ZNF678: variants seen among roughly 807,000 people sequenced by gnomAD.
ZNF678 encodes zinc finger protein 678.
A neutral mutation model predicts 3.0 loss-of-function variants in ZNF678; 5 were observed. The observed-to-expected ratio is 1.69, with a 90% CI of 0.88 to 3.56. ZNF678 has a LOEUF of 3.56. ZNF678 is among the 30% of genes most tolerant of loss of function. ZNF678 has a pLI of 0.00. For missense variants in ZNF678, 593 were observed against 605.0 expected (o/e 0.98, Z 0.21); for synonymous variants, 218 against 199.6 (o/e 1.09, Z -0.78).
rs558316032 is a variant in ZNF678 at position 227,657,565 on chromosome 1, A to G, written c.*1737A>G. On this transcript the variant is annotated 3_prime_UTR_variant, in exon 4 of 4. Transcript: ENST00000343776. The stretch of plus-strand genomic sequence containing the variant: ...CATGTATTTTGAATCACGAATGACT[A>G]TTTACAAAATGTCATACTACGTTTT... 3 of 152,054 alleles carry G rather than the reference A, an allele frequency of 2.0e-5. No individual in the cohort carries two copies. The highest frequency in any genetic ancestry group is 4.8e-5 in the African/African-American group (2 of 41,544). 9.4% of individuals were successfully genotyped at this position (152,054 alleles called of 1,614,324 possible). A position where few individuals can be genotyped will look rare whatever the true frequency, so the allele number is the denominator to read the frequency against.
chr1:227,625,158 T>C (rs1169722044), intron 1 of ZNF678, among the ~76,000 whole-genome samples: 1 of 152,170 alleles, frequency 6.6e-6, no homozygotes, highest in East Asian at 1.9e-4. Flanking sequence ...TACTACCTAA[T>C]TGGTTGGGTG....
intron 1 of ZNF678, among the ~76,000 whole-genome samples, chr1:227,575,101 G>C (rs1656954725): frequency 1.3e-5 from 2 of 152,044 alleles, no homozygotes; most frequent in African/African-American, 4.8e-5. Flanking sequence ...CTATTCCATT[G>C]GTATATGTGT....
intron 1 of ZNF678, among the ~76,000 whole-genome samples, chr1:227,604,576 G>C (rs12568691): frequency 6.6e-6 from 1 of 152,042 alleles, no homozygotes; most frequent in Non-Finnish European, 1.5e-5. Context: ...TTTTAGTAGA[G>C]ATGGGATTTC....
At chr1:227,669,081 A>G (rs939807130) in intron 5 of ZNF678, among the ~76,000 whole-genome samples, 3 of 151,792 alleles carry the variant, frequency 2.0e-5, no homozygotes, top group African/African-American at 7.3e-5. Flanking sequence ...TAAACTAAAG[A>G]TTTTCTGCAA....
At chr1:227,619,042 C>A (rs531009124) in intron 1 of ZNF678, among the ~76,000 whole-genome samples, 109 of 152,218 alleles carry the variant, frequency 7.2e-4, no homozygotes, top group South Asian at 3.9e-3. Context: ...AATCAGATCT[C>A]ATGAGAACTC....
At position 227,660,261 on chromosome 1, in the gene ZNF678, T is replaced by TA. The variant is rs1659368291; in HGVS notation, c.*4433_*4434insA. 1 of 151,874 alleles carries TA rather than the reference T, an allele frequency of 6.6e-6. No individual in the cohort carries two copies. The highest frequency in any genetic ancestry group is 2.4e-5 in the African/African-American group (1 of 41,442). 9.4% of individuals were successfully genotyped at this position (151,874 alleles called of 1,614,324 possible). On this transcript the variant is annotated 3_prime_UTR_variant, in exon 4 of 4. Coordinates refer to ENST00000343776, the MANE Select transcript of ZNF678 (RefSeq NM_001367909.1). ...TACTGTACTATATGAATTTTTGTGTTTTTTTTGTGAAAAATTTTATTGATA... is the reference window on the plus strand; with the variant it reads ...TACTGTACTATATGAATTTTTGTGTTATTTTTTGTGAAAAATTTTATTGATA...
chr1:227,635,784 G>T (rs1398571361), intron 1 of ZNF678, among the ~76,000 whole-genome samples: 1 of 152,036 alleles, frequency 6.6e-6, no homozygotes, highest in Non-Finnish European at 1.5e-5. Flanking sequence ...CTGCTATCTT[G>T]CCGGCACATG....
At chr1:227,578,350 C>T (rs1397866883) in intron 1 of ZNF678, among the ~76,000 whole-genome samples, 2 of 152,206 alleles carry the variant, frequency 1.3e-5, no homozygotes, top group African/African-American at 4.8e-5. Context: ...TGCTTTCATT[C>T]TCCCCATTTC....
At chr1:227,673,707 A>G (rs1342687562) in intron 5 of ZNF678, among the ~76,000 whole-genome samples, 12 of 152,214 alleles carry the variant, frequency 7.9e-5, no homozygotes, top group Admixed American at 7.2e-4. Context: ...GCCTTATCCA[A>G]TGAAGCTTTA....
At chr1:227,580,721 G>C (rs1183078216) in intron 1 of ZNF678, among the ~76,000 whole-genome samples, 1 of 152,042 alleles carries the variant, frequency 6.6e-6, no homozygotes, top group East Asian at 1.9e-4. Context: ...TCTGAGGTCG[G>C]GAGTTCTAGA....
At chr1:227,646,458 C>T in intron 1 of ZNF678, 86 bp from the exon 2 acceptor site, 1 of 1,271,386 alleles carries the variant, frequency 7.9e-7, no homozygotes, top group Non-Finnish European at 1.0e-6. Context: ...AGAACAAGTT[C>T]ACTTTACTCT....
chr1:227,641,317 T>G (rs575162735), intron 1 of ZNF678, among the ~76,000 whole-genome samples: 3 of 152,206 alleles, frequency 2.0e-5, no homozygotes, highest in Non-Finnish European at 4.4e-5. Flanking sequence ...AGCGCCTGGA[T>G]GCAGGTGGGC....
intron 1 of ZNF678, among the ~76,000 whole-genome samples, chr1:227,640,466 AGAATGGAGGAGAAGG>A (rs142947744): frequency 0.013 from 1,928 of 152,108 alleles, 43 homozygotes; most frequent in African/African-American, 0.044. Flanking sequence ...CAGGGCAGCG[AGAATGGAGGAGAAGG>A]GAATGGAGGA....
chr1:227,573,904 A>G (rs911954308), intron 1 of ZNF678, among the ~76,000 whole-genome samples: 4 of 152,120 alleles, frequency 2.6e-5, no homozygotes, highest in African/African-American at 7.2e-5. Context: ...GCTTCCACTT[A>G]CAAGTGAGAA....
rs763707207 is a variant in ZNF678 at position 227,654,755 on chromosome 1, A to G, written c.505A>G (p.Thr169Ala). 1.2e-5 allele frequency: 20 copies of G among 1,613,164 alleles called. No individual in the cohort carries two copies. In the East Asian group the frequency reaches 2.7e-4, roughly 22 times the overall value. The change falls in exon 4 of 4, where the codon ACT (threonine) becomes GCT (alanine). Residue 169 changes from threonine to alanine, a missense_variant. Transcript: ENST00000343776. ...GKVFNWWSQL[T>A]NHKKIHTGEK... ...AGTTTTTAATTGGTGGTCACAACTA[A>G]CTAACCATAAGAAAATTCATACTGG... is the stretch of plus-strand genomic sequence containing the variant.
At position 227,659,723 on chromosome 1, in the gene ZNF678, T is replaced by G. The variant is rs1426596826; in HGVS notation, c.*3895T>G. The stretch of plus-strand genomic sequence containing the variant: ...GGAGCATTGCTATCGCTCCATGATG[T>G]GTTTAAAAATTATTTTTAAATTGAC... On this transcript the variant is annotated 3_prime_UTR_variant, in exon 4 of 4. Coordinates refer to ENST00000343776, the MANE Select transcript of ZNF678 (RefSeq NM_001367909.1). 6.6e-6 allele frequency: 1 copy of G among 152,158 alleles called. No homozygotes were observed. The highest frequency in any genetic ancestry group is 6.5e-5 in the Admixed American group (1 of 15,274). 9.4% of individuals were successfully genotyped at this position (152,158 alleles called of 1,614,324 possible).
At chr1:227,671,811 G>A (rs1469636768) in intron 5 of ZNF678, among the ~76,000 whole-genome samples, 1 of 152,126 alleles carries the variant, frequency 6.6e-6, no homozygotes, top group East Asian at 1.9e-4. Flanking sequence ...CCATAAAGGT[G>A]AATTTGATGT....
intron 1 of ZNF678, among the ~76,000 whole-genome samples, chr1:227,569,039 G>A (rs1656769016): frequency 6.6e-6 from 1 of 152,190 alleles, no homozygotes; most frequent in African/African-American, 2.4e-5. Flanking sequence ...AGGACTTAGA[G>A]GTGTTGCTGG....
intron 1 of ZNF678, among the ~76,000 whole-genome samples, chr1:227,612,704 A>G (rs1205153412): frequency 1.3e-5 from 2 of 152,216 alleles, no homozygotes; most frequent in Non-Finnish European, 2.9e-5. Flanking sequence ...TAAGCCATCC[A>G]GAACTGGCTG....
Sources: gnomAD v4.1 joint callset for allele counts (sites outside exome capture counted in the v4.1 genomes callset) on GRCh38, gnomAD v4.1.1 for gene constraint, MANE v1.5 for transcripts, NCBI Gene and HGNC (gene_info 2026-07-23, HGNC 2026-07-21) for gene names.